CASK: variants seen among roughly 807,000 people sequenced by gnomAD.
CASK encodes calcium/calmodulin dependent serine protein kinase.
Under a neutral mutation model 82.9 loss-of-function variants are expected in CASK, and 4 were observed. That is an observed-to-expected ratio of 0.05 (90% CI 0.02 to 0.11). CASK has a LOEUF of 0.11. CASK is among the 10% of genes least tolerant of loss of function. The pLI, the probability that CASK is intolerant of heterozygous loss-of-function variation, is 1.00. For missense variants in CASK, 358 were observed against 720.9 expected, an observed-to-expected ratio of 0.50 and a Z score of 5.76; for synonymous variants, 259 against 253.5, an observed-to-expected ratio of 1.02 and a Z score of -0.20.
rs768511744 is a variant in CASK, at chrX:41,533,901, G to C, written c.2317+805C>G. 4.5e-3 allele frequency among the ~76,000 whole-genome samples: 501 copies of C among 111,289 alleles called. 4 individuals are homozygous for C. The highest frequency in any genetic ancestry group is 0.016 in the African/African-American group (481 of 30,615). On this transcript the variant is annotated intron_variant, in intron 24 of 26. Transcript: ENST00000378163. Reference sequence around the variant, plus strand: ...TCAAACTCCCGACCTCAGGTGATTCGCCCACCTCAGCCTCCCAAAGTGCTG... The same window carrying C: ...TCAAACTCCCGACCTCAGGTGATTCCCCCACCTCAGCCTCCCAAAGTGCTG...
At position 41,619,810 on chromosome X, in the gene CASK, A is replaced by G. The variant is rs1383438381; in HGVS notation, c.1033+2807T>C. On this transcript the variant is annotated intron_variant, in intron 11 of 26. Coordinates refer to ENST00000378163, the MANE Select transcript of CASK (RefSeq NM_001367721.1). The stretch of plus-strand genomic sequence containing the variant: ...TTACTACGAAAAGCTTCAAACATAC[A>G]GAAAGTTTGAAAGAATCGTGCCCAC... Among the ~76,000 whole-genome samples, 5 of 112,484 alleles carry G rather than the reference A, an allele frequency of 4.4e-5. No individual in the cohort carries two copies. In the Admixed American group the frequency reaches 4.7e-4, roughly 11 times the overall value.
chrX:41,787,512 T>TA (rs1309304563), intron 2 of CASK, among the ~76,000 whole-genome samples: 39 of 50,200 alleles, frequency 7.8e-4, no homozygotes, highest in African/African-American at 2.7e-3. Context: ...GAGCTTTTAA[T>TA]AAAAAAAGTA....
intron 3 of CASK, among the ~76,000 whole-genome samples, chrX:41,745,927 T>C (rs1241242399): frequency 7.1e-5 from 8 of 111,941 alleles, no homozygotes; most frequent in East Asian, 2.8e-4. Flanking sequence ...GTTGTGTGCA[T>C]ATTTTTAAGT....
intron 11 of CASK, among the ~76,000 whole-genome samples, chrX:41,621,732 C>T (rs2147319659): frequency 8.9e-6 from 1 of 112,044 alleles, no homozygotes; most frequent in Non-Finnish European, 1.9e-5. Flanking sequence ...AAATCAGCTG[C>T]AATTTGAGCT....
At chrX:41,909,998 G>A (rs1260578332) in intron 1 of CASK, among the ~76,000 whole-genome samples, 29 of 111,864 alleles carry the variant, frequency 2.6e-4, no homozygotes, top group African/African-American at 8.4e-4. Flanking sequence ...GAGGCAGGCA[G>A]ATCACCTGAG....
At chrX:41,579,559 T>C (rs184037672) in intron 14 of CASK, among the ~76,000 whole-genome samples, 42 of 112,087 alleles carry the variant, frequency 3.7e-4, no homozygotes, top group Non-Finnish European at 2.8e-4. Context: ...CTATTAAGCA[T>C]AAATATTTGA....
intron 12 of CASK, among the ~76,000 whole-genome samples, chrX:41,596,695 T>C (rs2065826944): frequency 9.0e-6 from 1 of 111,325 alleles, no homozygotes; most frequent in Non-Finnish European, 1.9e-5. Context: ...ACAAAAAACA[T>C]GTACACACAA....
In CASK at chrX:41,746,250, T is replaced by C. The variant is rs933018272; in HGVS notation, c.279-649A>G. Among the ~76,000 whole-genome samples the C allele has an allele frequency of 2.7e-5, 3 of 111,219 alleles. No individual in the cohort carries two copies. In the Admixed American group the frequency reaches 2.9e-4, roughly 11 times the overall value. On this transcript the variant is annotated intron_variant, in intron 3 of 26. Transcript: ENST00000378163. ...CCACACCTTGCCTCTTCTACCTACC[T>C]TGTCCACTGATGTTTCAAGAAAATC... is the stretch of plus-strand genomic sequence containing the variant.
In CASK at chrX:41,869,886, A is replaced by G. The variant is rs919447887; in HGVS notation, c.60-16659T>C. On this transcript the variant is annotated intron_variant, in intron 1 of 26. Coordinates refer to ENST00000378163, the MANE Select transcript of CASK (RefSeq NM_001367721.1). ...GGGTTTCAGAGGAACTGAAAGCTGAATAAAATTAATGAAGAGAAATATAGG... is the reference window on the plus strand; with the variant it reads ...GGGTTTCAGAGGAACTGAAAGCTGAGTAAAATTAATGAAGAGAAATATAGG... Among the ~76,000 whole-genome samples, 4 of 106,644 alleles carry G rather than the reference A, an allele frequency of 3.8e-5. No individual in the cohort carries two copies. The Admixed American group carries it at 4.1e-4, about 11-fold the overall frequency. 92.6% of individuals were successfully genotyped at this position (106,644 alleles called of 115,157 possible).
chrX:41,804,273 G>A (rs1045319411), intron 2 of CASK, among the ~76,000 whole-genome samples: 53 of 110,572 alleles, frequency 4.8e-4, no homozygotes, highest in African/African-American at 1.7e-3. Context: ...GCTTGAACCC[G>A]GGAGGCGGAG....
At chrX:41,728,807 T>C (rs1344199484) in intron 5 of CASK, 1 of 123,662 alleles carries the variant, frequency 8.1e-6, no homozygotes, top group East Asian at 2.8e-4. Context: ...ATTCACATCT[T>C]ACCTAAATGC....
chrX:41,840,162 T>A (rs2071005419), intron 2 of CASK, among the ~76,000 whole-genome samples: 1 of 112,207 alleles, frequency 8.9e-6, no homozygotes, highest in South Asian at 3.7e-4. Flanking sequence ...AATCTACAGA[T>A]CAAGTTGGTA....
intron 3 of CASK, among the ~76,000 whole-genome samples, chrX:41,756,335 T>C (rs1273933436): frequency 1.8e-5 from 2 of 112,373 alleles, no homozygotes; most frequent in Non-Finnish European, 3.8e-5. Flanking sequence ...AAGAAATGTG[T>C]GCTTATGTGG....
intron 2 of CASK, among the ~76,000 whole-genome samples, chrX:41,796,408 C>G (rs1304502601): frequency 1.8e-5 from 2 of 112,215 alleles, no homozygotes; most frequent in Non-Finnish European, 3.8e-5. Context: ...AAATGTCAAT[C>G]AAACCGAGTT....
intron 12 of CASK, among the ~76,000 whole-genome samples, chrX:41,600,455 G>C (rs1294943379): frequency 8.9e-6 from 1 of 112,279 alleles, no homozygotes; most frequent in Admixed American, 9.4e-5. Context: ...GCATAAAGAA[G>C]AATCAGTGCT....
intron 1 of CASK, among the ~76,000 whole-genome samples, chrX:41,900,950 T>C (rs916159646): frequency 9.1e-6 from 1 of 110,134 alleles, no homozygotes; most frequent in Non-Finnish European, 1.9e-5. Context: ...TTCACCATGT[T>C]GGCCAGGCTG....
chrX:41,758,587 C>T (rs1222438840), intron 3 of CASK, among the ~76,000 whole-genome samples: 2 of 110,838 alleles, frequency 1.8e-5, no homozygotes, highest in Admixed American at 9.6e-5. Flanking sequence ...GCATTTGTTC[C>T]GACAAAGAAC....
chrX:41,598,816 T>C (rs967018685), intron 12 of CASK, among the ~76,000 whole-genome samples: 1 of 112,078 alleles, frequency 8.9e-6, no homozygotes, highest in Non-Finnish European at 1.9e-5. Flanking sequence ...AAAAATTGTT[T>C]TTCTTGAAAT....
intron 1 of CASK, among the ~76,000 whole-genome samples, chrX:41,858,446 G>A (rs1049710144): frequency 1.4e-4 from 16 of 112,241 alleles, no homozygotes; most frequent in African/African-American, 4.5e-4. Context: ...CTATTCCTGA[G>A]AATGGGAGGC....
Sources: allele counts gnomAD v4.1 joint callset (sites outside exome capture counted in the v4.1 genomes callset), GRCh38; gene constraint gnomAD v4.1.1; transcripts MANE v1.5; gene names NCBI Gene and HGNC (gene_info 2026-07-23, HGNC 2026-07-21).